The following ERAP1 variants were observed in gnomAD, a reference collection of about 807,000 sequenced individuals.
The protein encoded by ERAP1 is endoplasmic reticulum aminopeptidase 1, also known as adipocyte-derived leucine aminopeptidase.
In ERAP1, 86 loss-of-function variants were observed where a neutral mutation model predicts 103.7. The ratio of observed to expected loss-of-function variants is 0.83; its 90% confidence interval spans 0.70 to 0.99. The LOEUF is 0.99. Ranked by LOEUF, ERAP1 falls within the 50% of genes least tolerant of loss-of-function variation. The probability of loss-of-function intolerance (pLI) is 0.00; values close to 1 mark genes in which losing one functional copy is unlikely to be tolerated. For synonymous variants in ERAP1, 398 were observed against 402.4 expected (o/e 0.99, Z 0.13); for missense variants, 1,009 against 1,128.4 (o/e 0.89, Z 1.52).
At chr5:96,927,988 C>A in the ERAP1 span, among the ~76,000 whole-genome samples, 3 of 152,130 alleles carry the variant, frequency 2.0e-5, no homozygotes, top group Non-Finnish European at 4.4e-5. Flanking sequence ...TCACTGCAAA[C>A]TCTGCTTCCC....
the ERAP1 span, among the ~76,000 whole-genome samples, chr5:96,933,013 G>A: frequency 6.6e-6 from 1 of 152,050 alleles, no homozygotes; most frequent in Admixed American, 6.6e-5. Context: ...GAGGATAGGC[G>A]GGTGTTAAAG....
the ERAP1 span, among the ~76,000 whole-genome samples, chr5:96,856,847 C>G: frequency 6.6e-6 from 1 of 152,184 alleles, no homozygotes; most frequent in Non-Finnish European, 1.5e-5. Flanking sequence ...ACGCATTTCA[C>G]TTTTCTGCTG....
intron 7 of ERAP1, 61 bp from the exon 8 acceptor site, chr5:96,792,253 A>G (rs939124488): frequency 1.7e-5 from 27 of 1,561,204 alleles, no homozygotes; most frequent in Non-Finnish European, 2.3e-5. Context: ...AAAATGTCAA[A>G]GGTGGGACAT....
intron 7 of ERAP1, among the ~76,000 whole-genome samples, chr5:96,792,730 A>AT (rs3839298): frequency 0.22 from 33,837 of 152,102 alleles, 3,822 homozygotes; most frequent in East Asian, 0.27. Flanking sequence ...GTACTTTCTA[A>AT]TTATGTACAC....
At chr5:96,845,893 C>T in the ERAP1 span, among the ~76,000 whole-genome samples, 6 of 151,998 alleles carry the variant, frequency 3.9e-5, no homozygotes, top group Non-Finnish European at 5.9e-5. Context: ...GATTTTAAAC[C>T]TTTGGATTTT....
chr5:96,889,333 T>G, the ERAP1 span: 1 of 1,613,156 alleles, frequency 6.2e-7, no homozygotes, highest in South Asian at 1.1e-5. Flanking sequence ...ATTATTGTCT[T>G]CATTTTTGCT....
At chr5:96,762,659 T>C (rs902294896) in exon 20 of ERAP1, 2 of 354,638 alleles carry the variant, frequency 5.6e-6, no homozygotes, top group Non-Finnish European at 1.0e-5. Context: ...ATTGTGTCTA[T>C]ATTCAAATTA....
downstream of ERAP1, chr5:96,774,200 C>T (rs1173559941): frequency 6.5e-6 from 1 of 153,940 alleles, no homozygotes; most frequent in Non-Finnish European, 1.5e-5. Context: ...AAACCTTTGA[C>T]ACTGACAGAT....
At chr5:96,900,654 C>T in the ERAP1 span, among the ~76,000 whole-genome samples, 4 of 151,974 alleles carry the variant, frequency 2.6e-5, no homozygotes, top group African/African-American at 4.8e-5. Flanking sequence ...TCATGCTAAT[C>T]CCCTGAATAT....
the ERAP1 span, among the ~76,000 whole-genome samples, chr5:96,877,718 A>G: frequency 1.7e-4 from 24 of 139,644 alleles, no homozygotes; most frequent in African/African-American, 6.2e-4. Flanking sequence ...AGACCCACAT[A>G]ATAAGCCACT....
At chr5:96,836,317 T>A in the ERAP1 span, among the ~76,000 whole-genome samples, 1 of 151,826 alleles carries the variant, frequency 6.6e-6, no homozygotes, top group Non-Finnish European at 1.5e-5. Flanking sequence ...TTCTTCTGCC[T>A]CAGCCTCCCA....
chr5:96,835,830 G>A, the ERAP1 span, among the ~76,000 whole-genome samples: 2 of 152,112 alleles, frequency 1.3e-5, no homozygotes, highest in African/African-American at 2.4e-5. Flanking sequence ...TGGACCTCTG[G>A]GAAACCACAG....
chr5:96,915,633 T>C, the ERAP1 span: 2 of 1,045,820 alleles, frequency 1.9e-6, no homozygotes, highest in Non-Finnish European at 2.7e-6. Context: ...CATGATATAA[T>C]AAACATAAGG....
the ERAP1 span, among the ~76,000 whole-genome samples, chr5:96,831,481 A>G: frequency 2.0e-5 from 3 of 152,340 alleles, no homozygotes; most frequent in Admixed American, 6.5e-5. Flanking sequence ...CATGATGTTC[A>G]AGGGCCAACT....
chr5:96,850,607 T>C, the ERAP1 span, among the ~76,000 whole-genome samples: 1 of 152,126 alleles, frequency 6.6e-6, no homozygotes, highest in African/African-American at 2.4e-5. Flanking sequence ...TTAGCAAAGA[T>C]GTGGAGAAAA....
chr5:96,853,356 A>G, the ERAP1 span, among the ~76,000 whole-genome samples: 1 of 152,196 alleles, frequency 6.6e-6, no homozygotes, highest in Non-Finnish European at 1.5e-5. Flanking sequence ...ACTATAGTGG[A>G]AAGAGATGAG....
rs1312354962 is a variant in ERAP1, at chr5:96,783,993, C to T, written c.2031G>A (p.Leu677=). The T allele has an allele frequency of 5.0e-6, 8 of 1,614,034 alleles. No homozygotes were observed. The highest frequency in any genetic ancestry group is 3.3e-5 in the Admixed American group (2 of 60,018). ...ACTTATACATAGGAATCAGCTCATT[C>T]AAACCTTGAAACACGGGCATAATTT... ...ETEIMPVFQG[L]NELIPMYKLM... The change falls in exon 14 of 19, where the codon TTG becomes TTA. Residue 677 remains leucine (L), a synonymous_variant. Transcript: ENST00000443439.
chr5:96,812,602 G>A (rs1252512314), upstream of ERAP1, among the ~76,000 whole-genome samples: 1 of 151,656 alleles, frequency 6.6e-6, no homozygotes, highest in Non-Finnish European at 1.5e-5. Context: ...GCTACTAACT[G>A]TCTTGCCTTA....
chr5:96,790,623 C>T lies in ERAP1; in HGVS notation c.1341G>A (p.Met447Ile), dbSNP rs1776630597. ...CGTCAGCACTAAGATACTCCCTTAG[C>T]ATATTCAGAATACAAGCTCCCTGAA... is the stretch of plus-strand genomic sequence containing the variant. The part of the protein sequence containing the change: ...SYDKGACILN[M>I]LREYLSADAF... Residue 447 changes from methionine (M) to isoleucine (I), a missense_variant, in exon 9 of 19, where the codon ATG (methionine) becomes ATA (isoleucine). Transcript: ENST00000443439. The T allele has an allele frequency of 6.2e-7, 1 of 1,610,376 alleles. No homozygotes were observed.
Sources: allele counts gnomAD v4.1 joint callset (sites outside exome capture counted in the v4.1 genomes callset), GRCh38; gene constraint gnomAD v4.1.1; transcripts MANE v1.5; gene names NCBI Gene and HGNC (gene_info 2026-07-23, HGNC 2026-07-21).